EDARADD: variants seen among roughly 807,000 people sequenced by gnomAD.
The protein encoded by EDARADD is EDAR associated via death domain, also known as ectodysplasin-A receptor-associated adapter protein.
In EDARADD, 20 loss-of-function variants were observed where a neutral mutation model predicts 25.6. The ratio of observed to expected loss-of-function variants is 0.78; its 90% CI spans 0.55 to 1.14. EDARADD has a LOEUF of 1.14. EDARADD is among the 50% of genes most tolerant of loss of function. EDARADD has a pLI of 0.00. For missense variants in EDARADD, 225 were observed against 270.1 expected, an observed-to-expected ratio of 0.83 and a Z score of 1.17; for synonymous variants, 86 against 94.4, an observed-to-expected ratio of 0.91 and a Z score of 0.52.
At chr1:236,464,997 G>T (rs1659149477) in intron 4 of EDARADD, among the ~76,000 whole-genome samples, 1 of 152,134 alleles carries the variant, frequency 6.6e-6, no homozygotes, top group South Asian at 2.1e-4. Flanking sequence ...CTTGTTGTGT[G>T]TGAGCCTGCC....
chr1:236,395,269 C>G lies in EDARADD; in HGVS notation c.61+764C>G. The G allele has an allele frequency of 1.1e-6, 1 of 926,484 alleles. No homozygotes were observed. Among genetic ancestry groups the G allele is most frequent in the East Asian group, 6.8e-5 (1 of 14,636 alleles). The allele number at this position is 926,484 out of a possible 1,614,324, so 57.4% of individuals were successfully genotyped here. A position where few individuals can be genotyped will look rare whatever the true frequency, so the allele number is the denominator to read the frequency against. ...GACCCGCCCAGGGGGACGTGGGTAC[C>G]GGGCAGGACGCGCGCTCTGGGCGCT... On this transcript the variant is annotated intron_variant, in intron 1 of 5. Coordinates refer to ENST00000334232, the MANE Select transcript of EDARADD (RefSeq NM_145861.4). This position sits in a 1 kb window ranked among gnomAD's most constrained non-coding sequence, Gnocchi z 6.9.
At chr1:236,405,469 C>G (rs190678100) in intron 1 of EDARADD, among the ~76,000 whole-genome samples, 5 of 152,272 alleles carry the variant, frequency 3.3e-5, no homozygotes, top group Non-Finnish European at 7.4e-5. Context: ...GATCCGGAGA[C>G]CTGGAACTCC....
chr1:236,472,906 A>C (rs1659394960), intron 5 of EDARADD, among the ~76,000 whole-genome samples: 1 of 151,862 alleles, frequency 6.6e-6, no homozygotes, highest in Middle Eastern at 3.2e-3. Context: ...TGTCCTCTCC[A>C]TAGCAATCTT....
At chr1:236,390,407 T>C (rs764506660), upstream of EDARADD, among the ~76,000 whole-genome samples, 233 of 152,082 alleles carry the variant, frequency 1.5e-3, no homozygotes, top group Middle Eastern at 6.8e-3. Context: ...TACAAAAAAT[T>C]AGCTGGGCGT....
chr1:236,378,324 G>A (rs582408), intron 3 of EDARADD, among the ~76,000 whole-genome samples: 111,273 of 152,084 alleles, frequency 0.73, 41,056 homozygotes, highest in Middle Eastern at 0.76. Flanking sequence ...ACCTGGGGGA[G>A]CTTCTAAGGT....
In EDARADD at chr1:236,483,104, G is replaced by A. The variant is rs930995383; in HGVS notation, c.*455G>A. The A allele has an allele frequency of 9.1e-7, 1 of 1,104,972 alleles. No homozygotes were observed. Among genetic ancestry groups the A allele is most frequent in the African/African-American group, 1.5e-5 (1 of 65,118 alleles). The allele number at this position is 1,104,972 out of a possible 1,614,324, so 68.4% of individuals were successfully genotyped here. A position where few individuals can be genotyped will look rare whatever the true frequency, so the allele number is the denominator to read the frequency against. ...ACAGCTACAAGGAATGCTTACCTGA[G>A]TGTCTGCAGCACCCTCCACTTCTCT... On this transcript the variant is annotated 3_prime_UTR_variant, in exon 6 of 6. Transcript: ENST00000334232.
intron 2 of EDARADD, among the ~76,000 whole-genome samples, chr1:236,411,536 C>T (rs985056345): frequency 2.0e-5 from 3 of 150,414 alleles, no homozygotes; most frequent in South Asian, 2.1e-4. Context: ...CTTCTTCTTC[C>T]TCTTCTTCTT....
At chr1:236,474,889 T>G (rs1659460860) in intron 5 of EDARADD, among the ~76,000 whole-genome samples, 1 of 152,170 alleles carries the variant, frequency 6.6e-6, no homozygotes, top group Non-Finnish European at 1.5e-5. Context: ...TCCCAGCACT[T>G]TGGGAGGCTG....
At chr1:236,416,186 G>A (rs906399335) in intron 3 of EDARADD, among the ~76,000 whole-genome samples, 1 of 152,228 alleles carries the variant, frequency 6.6e-6, no homozygotes, top group Non-Finnish European at 1.5e-5. Context: ...GCACAGCGGG[G>A]AGGACAAGGT....
intron 1 of EDARADD, among the ~76,000 whole-genome samples, chr1:236,405,775 TTCTTTC>T (rs1667704156): frequency 1.8e-5 from 1 of 56,730 alleles, no homozygotes; most frequent in East Asian, 2.8e-4. Context: ...CTTTCTTTCT[TTCTTTC>T]TTTCTTTCTT....
At chr1:236,466,182 A>C (rs1310158471) in intron 4 of EDARADD, among the ~76,000 whole-genome samples, 2 of 152,164 alleles carry the variant, frequency 1.3e-5, no homozygotes, top group Non-Finnish European at 2.9e-5. Context: ...CAGAACGGTG[A>C]CTGTGTTGGT....
At chr1:236,350,495 G>A (rs1222262218) in intron 2 of EDARADD, among the ~76,000 whole-genome samples, 1 of 152,094 alleles carries the variant, frequency 6.6e-6, no homozygotes, top group Admixed American at 6.5e-5. Flanking sequence ...GGCTGGTCTC[G>A]CACTCCTGAC....
intron 3 of EDARADD, among the ~76,000 whole-genome samples, chr1:236,358,768 G>T (rs1667012213): frequency 6.6e-6 from 1 of 152,200 alleles, no homozygotes; most frequent in South Asian, 2.1e-4. Flanking sequence ...TTTTGCATTT[G>T]CTGAGGAGTG....
At chr1:236,378,462 C>T (rs568355377) in intron 3 of EDARADD, among the ~76,000 whole-genome samples, 9 of 152,142 alleles carry the variant, frequency 5.9e-5, no homozygotes, top group Admixed American at 1.3e-4. Context: ...GGTTTCTACT[C>T]CCATCAGTTG....
At chr1:236,458,266 C>T (rs141954047) in intron 4 of EDARADD, among the ~76,000 whole-genome samples, 36 of 152,314 alleles carry the variant, frequency 2.4e-4, no homozygotes, top group South Asian at 4.1e-4. Flanking sequence ...CTCCCATGCC[C>T]GTTGGCAGGA....
At chr1:236,424,921 C>T (rs577923690) in intron 3 of EDARADD, among the ~76,000 whole-genome samples, 2 of 152,302 alleles carry the variant, frequency 1.3e-5, no homozygotes, top group South Asian at 2.1e-4. Flanking sequence ...TACAAATGCC[C>T]TCAGAATATT....
intron 4 of EDARADD, among the ~76,000 whole-genome samples, chr1:236,433,898 AC>A (rs1182934149): frequency 1.4e-5 from 2 of 147,136 alleles, no homozygotes; most frequent in East Asian, 3.9e-4. Flanking sequence ...AACAAAAAAA[AC>A]AAAAAAAAAA....
intron 3 of EDARADD, among the ~76,000 whole-genome samples, chr1:236,355,682 G>C (rs1666968122): frequency 6.6e-6 from 1 of 151,522 alleles, no homozygotes; most frequent in African/African-American, 2.4e-5. Context: ...GCTAATTTTT[G>C]TATTTTTAGT....
At chr1:236,444,810 C>T (rs1223584151) in intron 4 of EDARADD, among the ~76,000 whole-genome samples, 2 of 152,176 alleles carry the variant, frequency 1.3e-5, no homozygotes, top group East Asian at 1.9e-4. Context: ...TTTGCACCTG[C>T]CCCCAGCAGC....
Sources: gnomAD v4.1 joint callset for allele counts (sites outside exome capture counted in the v4.1 genomes callset) on GRCh38, gnomAD v4.1.1 for gene constraint, Gnocchi (gnomAD v3.1) non-coding constraint, MANE v1.5 for transcripts, NCBI Gene and HGNC (gene_info 2026-07-23, HGNC 2026-07-21) for gene names.